IGF2BP2: variants seen among roughly 807,000 people sequenced by gnomAD.
The protein encoded by IGF2BP2 is insulin like growth factor 2 mRNA binding protein 2, also known as insulin-like growth factor 2 mRNA-binding protein 2.
Under a neutral mutation model 75.8 loss-of-function variants are expected in IGF2BP2, and 17 were observed. The observed-to-expected ratio is 0.22, with a 90% confidence interval of 0.15 to 0.34. IGF2BP2 has a LOEUF of 0.34. Among genes scored for constraint, IGF2BP2 ranks in the 10% least tolerant of loss-of-function variants. The pLI is 1.00. For synonymous variants in IGF2BP2, 288 were observed against 295.6 expected, an observed-to-expected ratio of 0.97 and a Z score of 0.26; for missense variants, 516 against 772.4, an observed-to-expected ratio of 0.67 and a Z score of 3.93.
At chr3:185,775,042 G>A (rs2149774632) in intron 2 of IGF2BP2, among the ~76,000 whole-genome samples, 1 of 152,046 alleles carries the variant, frequency 6.6e-6, no homozygotes, top group Middle Eastern at 3.4e-3. Flanking sequence ...AAAAAAGAGG[G>A]AGCTGGGTTC....
intron 2 of IGF2BP2, among the ~76,000 whole-genome samples, chr3:185,814,664 T>C (rs1423066289): frequency 6.6e-6 from 1 of 152,218 alleles, no homozygotes; most frequent in Non-Finnish European, 1.5e-5. Flanking sequence ...TATAAAATTA[T>C]GTTCTTGTCA....
rs1714708573 is a variant in IGF2BP2, at chr3:185,652,175, T to A, written c.1387-7A>T. The A allele has an allele frequency of 6.2e-7, 1 of 1,608,240 alleles. No homozygotes were observed. The highest frequency in any genetic ancestry group is 1.3e-5 in the African/African-American group (1 of 74,904). ...GGCCTTCCGCAGGGGCAATCTGTGGTTCACAGGAGAGGAAAACGCTGATGC... is the reference window on the plus strand; with the variant it reads ...GGCCTTCCGCAGGGGCAATCTGTGGATCACAGGAGAGGAAAACGCTGATGC... On this transcript the variant is annotated splice_polypyrimidine_tract_variant and splice_region_variant and intron_variant, in intron 12 of 15. Transcript: ENST00000382199.
chr3:185,694,701 A>G (rs1444700116), intron 4 of IGF2BP2, among the ~76,000 whole-genome samples: 4 of 152,216 alleles, frequency 2.6e-5, no homozygotes, highest in Non-Finnish European at 5.9e-5. Context: ...CTTGCGTAGC[A>G]TTGTCCTCAG....
At chr3:185,710,523 AG>A (rs1724655464) in intron 2 of IGF2BP2, among the ~76,000 whole-genome samples, 1 of 152,202 alleles carries the variant, frequency 6.6e-6, no homozygotes, top group Non-Finnish European at 1.5e-5. Context: ...ACTTGAGATC[AG>A]GAATTCAAGA....
intron 2 of IGF2BP2, among the ~76,000 whole-genome samples, chr3:185,742,211 C>T (rs1184005494): frequency 6.6e-6 from 1 of 150,990 alleles, no homozygotes; most frequent in Non-Finnish European, 1.5e-5. Context: ...AAAAATTAGC[C>T]GGCCAGGCAC....
Position 185,645,880 on chromosome 3 carries a change from G to C in IGF2BP2, c.1708-257C>G, listed in dbSNP as rs1351449176. 6.6e-6 allele frequency among the ~76,000 whole-genome samples: 1 copy of C among 152,160 alleles called. No individual in the cohort carries two copies. The highest frequency in any genetic ancestry group is 2.4e-5 in the African/African-American group (1 of 41,426). Reference sequence around the variant, plus strand: ...GGCAGCTTCCAGTTCACTGCTGGACGGACAGGCCAGGAAGCAGAAGCAGGG... The same window carrying C: ...GGCAGCTTCCAGTTCACTGCTGGACCGACAGGCCAGGAAGCAGAAGCAGGG... On this transcript the variant is annotated intron_variant, in intron 15 of 15. Transcript: ENST00000382199. This position sits in a 1 kb window ranked among gnomAD's most constrained non-coding sequence, Gnocchi z 4.9.
At chr3:185,811,830 G>GTCTGTCTCTCTCTCTCTCTCTC (rs1739881258) in intron 2 of IGF2BP2, among the ~76,000 whole-genome samples, 1 of 120,694 alleles carries the variant, frequency 8.3e-6, no homozygotes, top group Non-Finnish European at 1.8e-5. Flanking sequence ...AGAGTAGGGT[G>GTCTGTCTCTCTCTCTCTCTCTC]TCTCTCTCTC....
chr3:185,772,713 C>G (rs1199704068), intron 2 of IGF2BP2, among the ~76,000 whole-genome samples: 1 of 151,920 alleles, frequency 6.6e-6, no homozygotes, highest in Non-Finnish European at 1.5e-5. Context: ...TCCCAAGTAG[C>G]TGGGACTACA....
Position 185,824,891 on chromosome 3 carries a change from C to G in IGF2BP2, c.70G>C (p.Gly24Arg), listed in dbSNP as rs762859757. The change falls in exon 1 of 16, where the codon GGG becomes CGG. Residue 24 changes from glycine (G) to arginine (R), a missense_variant. By Grantham distance (125) the Gly-to-Arg change is moderately radical. Around this residue, in one of 3 missense-constraint regions of IGF2BP2, gnomAD observed 312 missense variants for 474.5 expected, o/e 0.66. Coordinates refer to ENST00000382199, the MANE Select transcript of IGF2BP2 (RefSeq NM_006548.6). Reference protein sequence around the residue: ...VTADDLRQLFGDRKLPLAGQV... With the variant: ...VTADDLRQLFRDRKLPLAGQV... Reference sequence around the variant, plus strand: ...CCCGCCAGGGGCAGCTTCCTGTCCCCAAAGAGCTGCCGGAGGTCGTCGGCG... The same window carrying G: ...CCCGCCAGGGGCAGCTTCCTGTCCCGAAAGAGCTGCCGGAGGTCGTCGGCG... 7.0e-6 allele frequency: 11 copies of G among 1,572,796 alleles called. No individual in the cohort carries two copies. Among genetic ancestry groups the G allele is most frequent in the Non-Finnish European group, 9.5e-6 (11 of 1,159,208 alleles).
At chr3:185,770,703 G>T (rs1053342538) in intron 2 of IGF2BP2, among the ~76,000 whole-genome samples, 2 of 152,204 alleles carry the variant, frequency 1.3e-5, no homozygotes, top group African/African-American at 4.8e-5. Flanking sequence ...GTCACAGTCA[G>T]AGCAGCACAA....
rs1281655296 is a variant in IGF2BP2 at position 185,671,032 on chromosome 3, G to C, written c.1200+1509C>G. ...ATGATGATGTGCCTCAATGCCACTT[G>C]GTTGTACCTCATTGGGCCATTCTCA... On this transcript the variant is annotated intron_variant, in intron 10 of 15. Transcript: ENST00000382199. Among the ~76,000 whole-genome samples the C allele has an allele frequency of 4.6e-5, 7 of 152,272 alleles. No homozygotes were observed. The East Asian group carries it at 1.4e-3, about 29-fold the overall frequency.
chr3:185,738,788 T>C (rs1658080930), intron 2 of IGF2BP2, among the ~76,000 whole-genome samples: 1 of 152,170 alleles, frequency 6.6e-6, no homozygotes, highest in Admixed American at 6.6e-5. Context: ...AGAATGCTGT[T>C]TTATAAAAAC....
intron 10 of IGF2BP2, among the ~76,000 whole-genome samples, chr3:185,665,994 A>G (rs1004031254): frequency 1.4e-5 from 2 of 140,132 alleles, no homozygotes; most frequent in African/African-American, 5.3e-5. Context: ...AGATAGGTAG[A>G]TAGGTACATA....
intron 2 of IGF2BP2, among the ~76,000 whole-genome samples, chr3:185,807,502 G>C (rs956862006): frequency 2.0e-5 from 3 of 152,232 alleles, no homozygotes; most frequent in African/African-American, 7.2e-5. Flanking sequence ...AATTATAAAT[G>C]TAAGGGGATT....
intron 2 of IGF2BP2, among the ~76,000 whole-genome samples, chr3:185,727,836 G>T (rs1177105717): frequency 1.3e-5 from 2 of 152,084 alleles, no homozygotes; most frequent in African/African-American, 4.8e-5. Flanking sequence ...AGACTAAACA[G>T]AGACTTAGAA....
At chr3:185,714,052 T>C (rs1387407205) in intron 2 of IGF2BP2, among the ~76,000 whole-genome samples, 1 of 152,222 alleles carries the variant, frequency 6.6e-6, no homozygotes, top group Non-Finnish European at 1.5e-5. Flanking sequence ...AAGAATAGAA[T>C]AGAAAAATTC....
intron 2 of IGF2BP2, among the ~76,000 whole-genome samples, chr3:185,818,248 A>G (rs1387328964): frequency 6.6e-6 from 1 of 152,140 alleles, no homozygotes; most frequent in Non-Finnish European, 1.5e-5. Context: ...AACATCATCA[A>G]AGCCTTCACA....
intron 12 of IGF2BP2, among the ~76,000 whole-genome samples, chr3:185,652,680 G>A (rs946323638): frequency 4.6e-5 from 7 of 152,182 alleles, no homozygotes; most frequent in Admixed American, 6.5e-5. Flanking sequence ...GGTCAAGACC[G>A]CTTCCTCCAC....
intron 4 of IGF2BP2, among the ~76,000 whole-genome samples, chr3:185,693,590 T>C (rs2149339339): frequency 6.6e-6 from 1 of 152,296 alleles, no homozygotes; most frequent in Middle Eastern, 3.4e-3. Flanking sequence ...CTCTTGTGAG[T>C]TGTCTTGTCT....
Sources: gnomAD v4.1 joint callset for allele counts (sites outside exome capture counted in the v4.1 genomes callset) on GRCh38, gnomAD v4.1.1 for gene constraint, gnomAD v4.1.1 regional missense constraint, Gnocchi (gnomAD v3.1) non-coding constraint, MANE v1.5 for transcripts, NCBI Gene and HGNC (gene_info 2026-07-23, HGNC 2026-07-21) for gene names.